The following NAALADL2 variants were observed in gnomAD, a reference collection of about 807,000 sequenced individuals.
The protein encoded by NAALADL2 is inactive N-acetylated-alpha-linked acidic dipeptidase-like protein 2.
Under a neutral mutation model 87.2 loss-of-function variants are expected in NAALADL2, and 76 were observed. The observed-to-expected ratio is 0.87, with a 90% CI of 0.72 to 1.05. The LOEUF (loss-of-function observed/expected upper bound fraction) is 1.05. Ranked by LOEUF, NAALADL2 falls within the 50% of genes least tolerant of loss-of-function variation. NAALADL2 has a pLI of 0.00. For synonymous variants in NAALADL2, 354 were observed against 331.0 expected (o/e 1.07, Z -0.75); for missense variants, 1,089 against 945.8 (o/e 1.15, Z -1.99).
At chr3:175,561,051 G>T (rs1716191294) in intron 9 of NAALADL2, among the ~76,000 whole-genome samples, 1 of 152,112 alleles carries the variant, frequency 6.6e-6, no homozygotes, top group Non-Finnish European at 1.5e-5. Flanking sequence ...CTTGAAAGGT[G>T]GAAAACTGTC....
chr3:174,987,726 A>G (rs1357650261), intron 1 of NAALADL2, among the ~76,000 whole-genome samples: 1 of 147,124 alleles, frequency 6.8e-6, no homozygotes, highest in Non-Finnish European at 1.5e-5. Context: ...TCCTGGGCTC[A>G]AGTGATCCTC....
chr3:175,254,045 T>C (rs1429102045), intron 3 of NAALADL2, among the ~76,000 whole-genome samples: 1 of 152,142 alleles, frequency 6.6e-6, no homozygotes, highest in Non-Finnish European at 1.5e-5. Context: ...GTAAACTGAG[T>C]TCATTAAAGC....
chr3:175,221,097 G>C (rs1743290670), intron 2 of NAALADL2, among the ~76,000 whole-genome samples: 1 of 151,812 alleles, frequency 6.6e-6, no homozygotes, highest in Non-Finnish European at 1.5e-5. Flanking sequence ...TACTTGGGAG[G>C]CTGAGGTGGG....
intron 4 of NAALADL2, among the ~76,000 whole-genome samples, chr3:175,307,182 T>C (rs1442711417): frequency 6.6e-6 from 1 of 151,982 alleles, no homozygotes; most frequent in Non-Finnish European, 1.5e-5. Context: ...TTTATTAAAT[T>C]AAAAAAATAT....
At chr3:174,812,824 G>T (rs969513606) in intron 3 of NAALADL2, among the ~76,000 whole-genome samples, 2 of 151,718 alleles carry the variant, frequency 1.3e-5, no homozygotes, top group Non-Finnish European at 2.9e-5. Flanking sequence ...TTTAAAAATA[G>T]AAATAGGCTT....
At chr3:174,806,881 C>A (rs1401018168) in intron 3 of NAALADL2, among the ~76,000 whole-genome samples, 1 of 151,968 alleles carries the variant, frequency 6.6e-6, no homozygotes, top group African/African-American at 2.4e-5. Flanking sequence ...ACAATATAAT[C>A]AGATAAGATT....
intron 1 of NAALADL2, among the ~76,000 whole-genome samples, chr3:175,048,497 C>T (rs1385625072): frequency 6.8e-6 from 1 of 147,108 alleles, no homozygotes; most frequent in East Asian, 2.0e-4. Flanking sequence ...AGAGATTTAA[C>T]TTCTAAAACC....
intron 12 of NAALADL2, among the ~76,000 whole-genome samples, chr3:175,745,521 A>T (rs1287483216): frequency 6.6e-6 from 1 of 152,182 alleles, no homozygotes; most frequent in Non-Finnish European, 1.5e-5. Context: ...TCATCTCTAG[A>T]TTACTTATAA....
chr3:175,169,376 G>A (rs1428590736), intron 2 of NAALADL2, among the ~76,000 whole-genome samples: 1 of 151,036 alleles, frequency 6.6e-6, no homozygotes, highest in Non-Finnish European at 1.5e-5. Flanking sequence ...ATCACTACAG[G>A]CAGATAATCT....
rs527814910 is a variant in NAALADL2 at position 174,606,960 on chromosome 3, C to T, written c.-115+56323C>T. ...AAAGGGAAGCCCATCAGACTAACAGCGGATCTCTCGGCAGAAACTCTACAA... is the reference window on the plus strand; with the variant it reads ...AAAGGGAAGCCCATCAGACTAACAGTGGATCTCTCGGCAGAAACTCTACAA... On this transcript the variant is annotated intron_variant, in intron 2 of 3. Coordinates refer to the NAALADL2 transcript ENST00000434257. Among the ~76,000 whole-genome samples the T allele has an allele frequency of 4.8e-3, 738 of 152,214 alleles. 6 individuals are homozygous for T. Among genetic ancestry groups the T allele is most frequent in the African/African-American group, 0.016 (684 of 41,544 alleles).
chr3:175,448,536 G>A (rs1318157006), intron 6 of NAALADL2, among the ~76,000 whole-genome samples: 1 of 152,126 alleles, frequency 6.6e-6, no homozygotes, highest in African/African-American at 2.4e-5. Context: ...CTGCCCTCAA[G>A]GAGCTGACAG....
At chr3:175,487,747 A>G (rs1727507265) in intron 9 of NAALADL2, 1 of 281,320 alleles carries the variant, frequency 3.6e-6, no homozygotes, top group Non-Finnish European at 7.1e-6. Flanking sequence ...CTTAATGTAA[A>G]GATACATTGT....
chr3:175,097,316 G>A (rs1332815491), intron 2 of NAALADL2, 25 bp downstream of exon 2: 1 of 1,581,938 alleles, frequency 6.3e-7, no homozygotes, highest in Non-Finnish European at 8.6e-7. Flanking sequence ...AACAGATGTT[G>A]TTTGAATGCA....
intron 1 of NAALADL2, among the ~76,000 whole-genome samples, chr3:174,884,230 C>G (rs1579350183): frequency 6.6e-6 from 1 of 152,232 alleles, no homozygotes; most frequent in East Asian, 1.9e-4. Context: ...ACTGCCACTC[C>G]TTGATTCTTG....
Position 175,324,332 on chromosome 3 carries a change from T to C in NAALADL2, c.1090+7T>C. 1 of 1,607,402 alleles carries C rather than the reference T, an allele frequency of 6.2e-7. No homozygotes were observed. The highest frequency in any genetic ancestry group is 1.1e-5 in the South Asian group (1 of 89,712). On this transcript the variant is annotated splice_region_variant and intron_variant, in intron 5 of 13. Coordinates refer to ENST00000454872, the MANE Select transcript of NAALADL2 (RefSeq NM_207015.3). Reference sequence around the variant, plus strand: ...CCTGGTTACCCAAGTGTCGGTAAGTTTGTTGGTCATCATTATTATACTTGT... The same window carrying C: ...CCTGGTTACCCAAGTGTCGGTAAGTCTGTTGGTCATCATTATTATACTTGT...
rs532729816 is a variant in NAALADL2 at position 175,109,033 on chromosome 3, T to C, written c.545+11742T>C. On this transcript the variant is annotated intron_variant, in intron 2 of 13. Transcript: ENST00000454872. ...GATCTAAGCCTTTCCTCCACTTTCTTATTTTAAGTAGAGAACAAATTCCTA... is the reference window on the plus strand; with the variant it reads ...GATCTAAGCCTTTCCTCCACTTTCTCATTTTAAGTAGAGAACAAATTCCTA... Among the ~76,000 whole-genome samples, 3 of 152,054 alleles carry C rather than the reference T, an allele frequency of 2.0e-5. No homozygotes were observed. In the East Asian group the frequency reaches 5.8e-4, roughly 30 times the overall value.
At chr3:175,023,175 C>T (rs1041618769) in intron 1 of NAALADL2, among the ~76,000 whole-genome samples, 5 of 151,990 alleles carry the variant, frequency 3.3e-5, no homozygotes, top group Non-Finnish European at 7.4e-5. Flanking sequence ...ATGTAGAATA[C>T]AAATATAGTC....
intron 9 of NAALADL2, among the ~76,000 whole-genome samples, chr3:175,547,131 A>T (rs1010175380): frequency 6.6e-6 from 1 of 152,130 alleles, no homozygotes; most frequent in African/African-American, 2.4e-5. Context: ...AGCAAAAAGA[A>T]CAAAGCTGGA....
intron 1 of NAALADL2, among the ~76,000 whole-genome samples, chr3:174,460,435 G>GA (rs1303651354): frequency 1.3e-5 from 2 of 151,602 alleles, no homozygotes; most frequent in Non-Finnish European, 1.5e-5. Context: ...ATTCTATTTT[G>GA]AAAAAAACAT....
Sources: gnomAD v4.1 joint callset for allele counts (sites outside exome capture counted in the v4.1 genomes callset) on GRCh38, gnomAD v4.1.1 for gene constraint, MANE v1.5 for transcripts, NCBI Gene and HGNC (gene_info 2026-07-23, HGNC 2026-07-21) for gene names.